The following PCBP2 variants were observed in gnomAD, a reference collection of about 807,000 sequenced individuals.
PCBP2 encodes the protein poly(rC)-binding protein 2.
In PCBP2, 4 loss-of-function variants were observed where a neutral mutation model predicts 50.1. That is an observed-to-expected ratio of 0.08 (90% confidence interval 0.04 to 0.18). The LOEUF (loss-of-function observed/expected upper bound fraction) is 0.18, where lower values mean the gene tolerates loss of function less well. PCBP2 is among the 10% of genes least tolerant of loss of function. The pLI, the probability that PCBP2 is intolerant of heterozygous loss-of-function variation, is 1.00. For synonymous variants in PCBP2, 179 were observed against 168.0 expected (o/e 1.07, Z -0.51); for missense variants, 161 against 474.3 (o/e 0.34, Z 6.14).
chr12:53,469,448 C>T (rs978056869), intron 13 of PCBP2, among the ~76,000 whole-genome samples: 2 of 151,860 alleles, frequency 1.3e-5, no homozygotes, highest in Non-Finnish European at 2.9e-5. Flanking sequence ...TGGCTGGGCA[C>T]GGTGGCTCAC....
rs1281036280 is a variant in PCBP2 at position 53,459,390 on chromosome 12, A to G, written c.362A>G (p.Lys121Arg). ...ATTGGAAAAGGTGGATGCAAGATCA[A>G]GGAAATACGAGAGGTTAGTGACTTT... ...SLIGKGGCKI[K>R]EIRESTGAQV... is the part of the protein sequence containing the mutation. The change falls in exon 6 of 15, where the codon AAG becomes AGG. Residue 121 changes from lysine to arginine, a missense_variant. Transcript: ENST00000546463. The G allele has an allele frequency of 6.2e-7, 1 of 1,611,646 alleles. No individual in the cohort carries two copies.
chr12:53,463,410 A>G (rs1326949232), intron 8 of PCBP2, among the ~76,000 whole-genome samples: 1 of 152,166 alleles, frequency 6.6e-6, no homozygotes, highest in Non-Finnish European at 1.5e-5. Flanking sequence ...CCTACCTCAG[A>G]TCAAAAGTAT....
At position 53,468,774 on chromosome 12, in the gene PCBP2, T is replaced by C. The variant is rs750566672; in HGVS notation, c.827-3T>C. Reference sequence around the variant, plus strand: ...AATTTGCTTGCTCTCTTCTGTCTTTTAGCAGGTTTGGATGCATCTGCTCAG... The same window carrying C: ...AATTTGCTTGCTCTCTTCTGTCTTTCAGCAGGTTTGGATGCATCTGCTCAG... On this transcript the variant is annotated splice_polypyrimidine_tract_variant and splice_region_variant and intron_variant, in intron 12 of 14. Coordinates refer to ENST00000546463, the MANE Select transcript of PCBP2 (RefSeq NM_031989.5). The C allele has an allele frequency of 2.5e-6, 4 of 1,611,934 alleles. No homozygotes were observed. The highest frequency in any genetic ancestry group is 1.3e-5 in the African/African-American group (1 of 75,020).
intron 1 of PCBP2, among the ~76,000 whole-genome samples, chr12:53,454,142 A>G (rs1440619130): frequency 6.6e-6 from 1 of 152,236 alleles, no homozygotes; most frequent in Non-Finnish European, 1.5e-5. Context: ...CGTGGAAGGC[A>G]TCTCAGATAA....
At chr12:53,473,107 CG>C (rs1273412273) in intron 14 of PCBP2, among the ~76,000 whole-genome samples, 27 of 141,880 alleles carry the variant, frequency 1.9e-4, no homozygotes, top group African/African-American at 6.6e-4. Context: ...TTTTTTGAGA[CG>C]GAGTCTTGCT....
intron 5 of PCBP2, among the ~76,000 whole-genome samples, chr12:53,457,872 C>T (rs950622811): frequency 1.3e-5 from 2 of 152,056 alleles, no homozygotes; most frequent in African/African-American, 2.4e-5. Context: ...GGATGCAGCA[C>T]GTGTTTATGG....
chr12:53,464,934 C>T lies in PCBP2; in HGVS notation c.672+82C>T, dbSNP rs541532948. Reference sequence around the variant, plus strand: ...CTGCCAACACACGGGGGGCCAGTGGCGCTGGTGATTTTTGGTGCTGTGGAC... The same window carrying T: ...CTGCCAACACACGGGGGGCCAGTGGTGCTGGTGATTTTTGGTGCTGTGGAC... On this transcript the variant is annotated intron_variant, in intron 9 of 14. Transcript: ENST00000546463. 3.4e-5 allele frequency: 49 copies of T among 1,451,956 alleles called. No homozygotes were observed. In the Middle Eastern group the frequency reaches 5.3e-4, roughly 16 times the overall value. The allele number at this position is 1,451,956 out of a possible 1,614,324, so 89.9% of individuals were successfully genotyped here.
In PCBP2 at chr12:53,459,214, T is replaced by C. The variant is rs1210172296; in HGVS notation, c.244-58T>C. On this transcript the variant is annotated intron_variant, in intron 5 of 14. Coordinates refer to ENST00000546463, the MANE Select transcript of PCBP2 (RefSeq NM_031989.5). ...ACCCTAATAAGGGTAAGTGGTTCTT[T>C]AATGGCAGTTACTAGTTTCCAGGGA... 8.0e-6 allele frequency: 12 copies of C among 1,498,758 alleles called. No individual in the cohort carries two copies. The East Asian group carries it at 1.2e-4, about 15-fold the overall frequency. The allele number at this position is 1,498,758 out of a possible 1,614,324, so 92.8% of individuals were successfully genotyped here. A position where few individuals can be genotyped will look rare whatever the true frequency, so the allele number is the denominator to read the frequency against.
intron 10 of PCBP2, 136 bp downstream of exon 10, chr12:53,466,109 C>T: frequency 2.6e-6 from 2 of 756,802 alleles, no homozygotes; most frequent in Non-Finnish European, 4.7e-6. Flanking sequence ...TTCACAAGGT[C>T]AATCCCATAT....
At position 53,452,329 on chromosome 12, in the gene PCBP2, C is replaced by T. The variant is rs1430233420; in HGVS notation, c.-123C>T. 3 of 142,534 alleles carry T rather than the reference C, an allele frequency of 2.1e-5. No individual in the cohort carries two copies. The highest frequency in any genetic ancestry group is 4.6e-5 in the Non-Finnish European group (3 of 64,898). 8.8% of individuals were successfully genotyped at this position (142,534 alleles called of 1,614,324 possible). ...TTCCGCCCCCGGCCTCCCGCCCTTCCCCTTCCCGCCCGCTCCCCTTTTCCC... is the reference window on the plus strand; with the variant it reads ...TTCCGCCCCCGGCCTCCCGCCCTTCTCCTTCCCGCCCGCTCCCCTTTTCCC... On this transcript the variant is annotated 5_prime_UTR_variant, in exon 1 of 15. Coordinates refer to ENST00000546463, the MANE Select transcript of PCBP2 (RefSeq NM_031989.5).
In PCBP2 at chr12:53,481,156, CTA is replaced by C. The variant is rs1565881458; in HGVS notation, c.*1716_*1717del. ...ATATATAATTTATATAAATATTTCT[CTA>C]TGTACAAGGAATACGAGTGGCTTTC... On this transcript the variant is annotated 3_prime_UTR_variant, in exon 15 of 15. Transcript: ENST00000546463. The C allele has an allele frequency of 9.5e-6, 11 of 1,160,458 alleles. No homozygotes were observed. The highest frequency in any genetic ancestry group is 2.7e-5 in the South Asian group (1 of 37,540). 71.9% of individuals were successfully genotyped at this position (1,160,458 alleles called of 1,614,324 possible). A position where few individuals can be genotyped will look rare whatever the true frequency, so the allele number is the denominator to read the frequency against.
intron 12 of PCBP2, chr12:53,468,464 G>GT: frequency 7.9e-6 from 3 of 378,082 alleles, no homozygotes; most frequent in Non-Finnish European, 1.4e-5. Context: ...AGAAGGACTT[G>GT]TTTAGACATT....
In PCBP2 at chr12:53,455,501, A is replaced by T. The variant is rs751072050; in HGVS notation, c.126+8A>T. The T allele has an allele frequency of 6.2e-7, 1 of 1,613,720 alleles. No individual in the cohort carries two copies. On this transcript the variant is annotated splice_region_variant and intron_variant, in intron 4 of 14. Coordinates refer to ENST00000546463, the MANE Select transcript of PCBP2 (RefSeq NM_031989.5). ...AAGAAGATGCGCGAGGAGGTAAGTT[A>T]TGAAAGACTGAGATTGTTAACTTTG...
At chr12:53,465,077 C>T (rs1311550131) in intron 9 of PCBP2, 4 of 400,332 alleles carry the variant, frequency 1.0e-5, no homozygotes, top group Admixed American at 4.7e-5. Context: ...TTTGTTCAAC[C>T]CCTCTTCCCC....
chr12:53,454,671 G>T, intron 1 of PCBP2, 55 bp from the exon 2 acceptor site: 1 of 682,482 alleles, frequency 1.5e-6, no homozygotes, highest in East Asian at 2.6e-5. Context: ...AATAACTTGG[G>T]AAATAATAAC....
At chr12:53,475,897 C>A (rs1264027575) in intron 14 of PCBP2, 5 of 152,174 alleles carry the variant, frequency 3.3e-5, no homozygotes, top group Non-Finnish European at 5.9e-5. Context: ...CCTTACCTTG[C>A]CAGCAGCAGC....
Position 53,477,002 on chromosome 12 carries a change from C to T in PCBP2, c.1053-2404C>T, listed in dbSNP as rs577548749. Among the ~76,000 whole-genome samples, 113 of 152,320 alleles carry T rather than the reference C, an allele frequency of 7.4e-4. 1 individual carries two copies. The highest frequency in any genetic ancestry group is 2.5e-3 in the African/African-American group (105 of 41,568). Reference sequence around the variant, plus strand: ...ATGTTTAAGGGTCTAGCTACCATCACTACCTCCAAAGGGCCTCAGTTTTAA... The same window carrying T: ...ATGTTTAAGGGTCTAGCTACCATCATTACCTCCAAAGGGCCTCAGTTTTAA... On this transcript the variant is annotated intron_variant, in intron 14 of 14. Coordinates refer to ENST00000546463, the MANE Select transcript of PCBP2 (RefSeq NM_031989.5).
chr12:53,464,265 A>G (rs1315766374), intron 8 of PCBP2, among the ~76,000 whole-genome samples: 2 of 145,564 alleles, frequency 1.4e-5, no homozygotes, highest in African/African-American at 5.1e-5. Context: ...TTTTTTTTCC[A>G]CTCCCCATCA....
At chr12:53,468,428 A>G (rs1169197412) in intron 12 of PCBP2, 3 of 288,694 alleles carry the variant, frequency 1.0e-5, no homozygotes, top group Non-Finnish European at 1.3e-5. Flanking sequence ...ACAATTTGGA[A>G]CACAACAGGA....
Sources: gnomAD v4.1 joint callset for allele counts (sites outside exome capture counted in the v4.1 genomes callset) on GRCh38, gnomAD v4.1.1 for gene constraint, MANE v1.5 for transcripts, NCBI Gene and HGNC (gene_info 2026-07-23, HGNC 2026-07-21) for gene names.